Variants in WDR44 observed in about 807,000 individuals in gnomAD.
WDR44 encodes WD repeat-containing protein 44.
WDR44 carries 9 observed loss-of-function variants against 65.7 expected under a neutral mutation model. That is an observed-to-expected ratio of 0.14 (90% CI 0.08 to 0.24). The LOEUF is 0.24. WDR44 is among the 10% of genes least tolerant of loss of function. The pLI is 1.00. For synonymous variants in WDR44, 220 were observed against 235.2 expected (o/e 0.94, Z 0.59); for missense variants, 425 against 670.9 (o/e 0.63, Z 4.05).
At chrX:118,422,615 C>A (rs185217732) in intron 12 of WDR44, among the ~76,000 whole-genome samples, 1 of 108,805 alleles carries the variant, frequency 9.2e-6, no homozygotes, top group African/African-American at 3.4e-5. Context: ...TTGCTTCAAC[C>A]GGGAGGCGGA....
intron 9 of WDR44, among the ~76,000 whole-genome samples, chrX:118,406,455 ATATCT>A (rs2056968578): frequency 1.8e-5 from 2 of 111,982 alleles, no homozygotes; most frequent in Non-Finnish European, 3.8e-5. Context: ...AAATTTGCAC[ATATCT>A]TAACCTCCTA....
At chrX:118,357,594 G>A (rs770137734) in intron 1 of WDR44, among the ~76,000 whole-genome samples, 1 of 111,634 alleles carries the variant, frequency 9.0e-6, no homozygotes, top group East Asian at 2.8e-4. Flanking sequence ...TTAAAAATTA[G>A]TACCCCACCA....
chrX:118,409,410 G>C, intron 10 of WDR44, 79 bp from the exon 11 acceptor site: 1 of 1,086,947 alleles, frequency 9.2e-7, no homozygotes, highest in Non-Finnish European at 1.2e-6. Context: ...GATTACAGAC[G>C]TGAGCCACCA....
chrX:118,398,773 A>T (rs2147708165), intron 8 of WDR44, among the ~76,000 whole-genome samples: 1 of 111,890 alleles, frequency 8.9e-6, no homozygotes, highest in Admixed American at 9.5e-5. Flanking sequence ...CTAAAAATAC[A>T]AAAATTAGTT....
intron 14 of WDR44, among the ~76,000 whole-genome samples, chrX:118,439,218 T>C (rs905678328): frequency 9.1e-6 from 1 of 110,264 alleles, no homozygotes; most frequent in African/African-American, 3.3e-5. Flanking sequence ...ATGCCTTTTT[T>C]TGGGGGGGAA....
intron 2 of WDR44, among the ~76,000 whole-genome samples, chrX:118,380,585 C>T (rs1329442229): frequency 9.0e-6 from 1 of 111,654 alleles, no homozygotes. Flanking sequence ...TAAACATGTA[C>T]TGAGGCTATT....
At chrX:118,367,808 C>T (rs1183641011) in intron 1 of WDR44, among the ~76,000 whole-genome samples, 1 of 111,194 alleles carries the variant, frequency 9.0e-6, no homozygotes, top group Non-Finnish European at 1.9e-5. Flanking sequence ...TCTTAAGTTT[C>T]CTTCAAACAC....
chrX:118,390,743 C>T (rs1001255941), intron 3 of WDR44, among the ~76,000 whole-genome samples: 1 of 112,150 alleles, frequency 8.9e-6, no homozygotes, highest in African/African-American at 3.2e-5. Flanking sequence ...AGCCTGAATC[C>T]ATTCCTTTGT....
At chrX:118,429,638 A>G (rs1302545222) in intron 12 of WDR44, among the ~76,000 whole-genome samples, 2 of 111,084 alleles carry the variant, frequency 1.8e-5, no homozygotes, top group African/African-American at 6.5e-5. Context: ...TAAAGATTCA[A>G]AGATTCATGT....
At chrX:118,360,556 T>TA (rs1247538440) in intron 1 of WDR44, among the ~76,000 whole-genome samples, 1 of 111,871 alleles carries the variant, frequency 8.9e-6, no homozygotes, top group Non-Finnish European at 1.9e-5. Flanking sequence ...TATCAAATCT[T>TA]ACTGTTTCAA....
chrX:118,409,421 T>C, intron 10 of WDR44, 68 bp from the exon 11 acceptor site: 2 of 1,137,580 alleles, frequency 1.8e-6, no homozygotes, highest in Non-Finnish European at 2.4e-6. Context: ...TGAGCCACCA[T>C]GCCAGGCCAA....
intron 8 of WDR44, among the ~76,000 whole-genome samples, chrX:118,399,567 G>A (rs2056894404): frequency 8.9e-6 from 1 of 111,766 alleles, no homozygotes; most frequent in African/African-American, 3.2e-5. Flanking sequence ...TTCTGGGACA[G>A]ATAAACATCC....
intron 1 of WDR44, among the ~76,000 whole-genome samples, chrX:118,362,076 T>A (rs1352152347): frequency 1.8e-5 from 2 of 112,118 alleles, no homozygotes; most frequent in East Asian, 5.6e-4. Flanking sequence ...CTTGCATTGA[T>A]TGCCATTCAA....
At chrX:118,436,585 G>A in intron 13 of WDR44, 117 bp from the exon 14 acceptor site, 1 of 802,994 alleles carries the variant, frequency 1.2e-6, no homozygotes, top group Non-Finnish European at 1.9e-6. Flanking sequence ...TCTTTCCGAT[G>A]CTGCATTTAA....
Position 118,441,566 on chromosome X carries a change from G to T in WDR44, c.2166+7G>T. 8.4e-7 allele frequency: 1 copy of T among 1,185,393 alleles called. No homozygotes were observed. The highest frequency in any genetic ancestry group is 1.1e-6 in the Non-Finnish European group (1 of 877,689). On this transcript the variant is annotated splice_region_variant and intron_variant, in intron 15 of 19. Transcript: ENST00000254029. ...TATTTTCTATGATACAGAGGTAAATGATTGTTTTTTGTAAATTATATAATT... is the reference window on the plus strand; with the variant it reads ...TATTTTCTATGATACAGAGGTAAATTATTGTTTTTTGTAAATTATATAATT...
intron 12 of WDR44, among the ~76,000 whole-genome samples, chrX:118,419,204 C>T (rs771324520): frequency 3.2e-4 from 36 of 111,547 alleles, no homozygotes; most frequent in Non-Finnish European, 6.2e-4. Context: ...GGAGGCTTCT[C>T]GCCAGTTCAA....
chrX:118,413,790 C>T lies in WDR44; in HGVS notation c.1737+2831C>T, dbSNP rs781779858. 1.6e-4 allele frequency among the ~76,000 whole-genome samples: 18 copies of T among 111,923 alleles called. No homozygotes were observed. The South Asian group carries it at 6.3e-3, about 39-fold the overall frequency. On this transcript the variant is annotated intron_variant, in intron 12 of 19. Coordinates refer to ENST00000254029, the MANE Select transcript of WDR44 (RefSeq NM_019045.5). Reference sequence around the variant, plus strand: ...TCTAGAAGGGTTTTTCCAATGTTATCTTCTAGAATTTTTATGCTTTCAGGT... The same window carrying T: ...TCTAGAAGGGTTTTTCCAATGTTATTTTCTAGAATTTTTATGCTTTCAGGT...
At position 118,346,555 on chromosome X, in the gene WDR44, C is replaced by T. The variant is rs771040885; in HGVS notation, c.52C>T (p.His18Tyr). ...ATTCTATGATGCCCCTGAAGATGTGCACCTAGGGGGCGGCTACCCCGTGGG... is the reference window on the plus strand; with the variant it reads ...ATTCTATGATGCCCCTGAAGATGTGTACCTAGGGGGCGGCTACCCCGTGGG... ...EEFYDAPEDV[H>Y]LGGGYPVGSP... Residue 18 changes from histidine to tyrosine, a missense_variant, in exon 1 of 20, where the codon CAC becomes TAC. By Grantham distance (83) the His-to-Tyr change is moderately conservative. Around this residue, in one of 5 missense-constraint regions of WDR44, gnomAD observed 193 missense variants for 209.0 expected, o/e 0.92. Transcript: ENST00000254029. 1.1e-5 allele frequency: 13 copies of T among 1,196,982 alleles called. No homozygotes were observed. Among genetic ancestry groups the T allele is most frequent in the Non-Finnish European group, 1.4e-5 (12 of 888,156 alleles).
intron 1 of WDR44, among the ~76,000 whole-genome samples, chrX:118,369,670 G>A (rs1367044547): frequency 1.0e-4 from 11 of 108,369 alleles, no homozygotes; most frequent in Non-Finnish European, 1.9e-4. Flanking sequence ...GGGTTTCACC[G>A]TGTTAGCCAG....
Sources: gnomAD v4.1 joint callset for allele counts (sites outside exome capture counted in the v4.1 genomes callset) on GRCh38, gnomAD v4.1.1 for gene constraint, gnomAD v4.1.1 regional missense constraint, MANE v1.5 for transcripts, NCBI Gene and HGNC (gene_info 2026-07-23, HGNC 2026-07-21) for gene names.